QPCTL: variants seen among roughly 807,000 people sequenced by gnomAD.
The protein encoded by QPCTL is glutaminyl-peptide cyclotransferase like, also known as glutaminyl-peptide cyclotransferase-like protein.
Under a neutral mutation model 34.6 loss-of-function variants are expected in QPCTL, and 31 were observed. The observed-to-expected ratio is 0.90, with a 90% CI of 0.67 to 1.21. The LOEUF is 1.21. Among genes scored for constraint, QPCTL ranks in the 50% most tolerant of loss-of-function variants. QPCTL has a pLI of 0.00. For synonymous variants in QPCTL, 223 were observed against 226.9 expected (o/e 0.98, Z 0.15); for missense variants, 474 against 507.8 (o/e 0.93, Z 0.64).
Position 45,701,999 on chromosome 19 carries a change from G to A in QPCTL, c.1003+85G>A, listed in dbSNP as rs554145350. ...GCCAAGTCCCCTTCCCAGGGCTGGG[G>A]AATGGTGCTAAGTGGCCTTAACCTC... On this transcript the variant is annotated intron_variant, in intron 6 of 6. Transcript: ENST00000012049. 10 of 1,125,000 alleles carry A rather than the reference G, an allele frequency of 8.9e-6. No homozygotes were observed. In the South Asian group the frequency reaches 1.3e-4, roughly 15 times the overall value. The allele number at this position is 1,125,000 out of a possible 1,614,324, so 69.7% of individuals were successfully genotyped here.
intron 3 of QPCTL, among the ~76,000 whole-genome samples, chr19:45,697,014 G>A (rs1243064933): frequency 6.6e-6 from 1 of 152,040 alleles, no homozygotes; most frequent in Non-Finnish European, 1.5e-5. Context: ...CTACTACTTG[G>A]GAGGTTGAGA....
At position 45,702,935 on chromosome 19, in the gene QPCTL, C is replaced by T; in HGVS notation, c.1035C>T (p.Pro345=). Residue 345 remains proline (P), a synonymous_variant, in exon 7 of 7, where the codon CCC becomes CCT. Transcript: ENST00000012049. Reference sequence around the variant, plus strand: ...CCGTGCTCCATCTCATCTCCACGCCCTTCCCTGCTGTCTGGCACACCCCTG... The same window carrying T: ...CCGTGCTCCATCTCATCTCCACGCCTTTCCCTGCTGTCTGGCACACCCCTG... The part of the protein sequence containing the change: ...GVPVLHLIST[P]FPAVWHTPAD... 1.9e-6 allele frequency: 3 copies of T among 1,614,106 alleles called. No homozygotes were observed. The highest frequency in any genetic ancestry group is 2.5e-6 in the Non-Finnish European group (3 of 1,180,016).
intron 5 of QPCTL, among the ~76,000 whole-genome samples, chr19:45,699,881 G>A (rs1019543931): frequency 8.3e-5 from 12 of 144,264 alleles, no homozygotes; most frequent in East Asian, 4.2e-4. Context: ...GCAGTGAGCC[G>A]AGATCACGCC....
chr19:45,693,368 G>C, intron 1 of QPCTL, 45 bp from the exon 2 acceptor site: 1 of 1,571,874 alleles, frequency 6.4e-7, no homozygotes, highest in Non-Finnish European at 8.6e-7. Context: ...TGAAATGGGG[G>C]GGTTGCTCTC....
chr19:45,698,595 C>A lies in QPCTL; in HGVS notation c.682C>A (p.Leu228Met), dbSNP rs542234819. 30 of 1,614,178 alleles carry A rather than the reference C, an allele frequency of 1.9e-5. No homozygotes were observed. In the Admixed American group the frequency reaches 4.2e-4, roughly 22 times the overall value. The part of the protein sequence containing the change: ...QLLFLDGEEA[L>M]KEWGPKDSLY... ...GCTCTTCTTGGATGGTGAAGAGGCG[C>A]TGAAGGAGTGGGGACCCAAGGACTC... is the stretch of plus-strand genomic sequence containing the variant. Residue 228 changes from leucine to methionine, a missense_variant, in exon 4 of 7, where the codon CTG (leucine) becomes ATG (methionine). Transcript: ENST00000012049.
At chr19:45,702,763 C>CA (rs375783981) in intron 6 of QPCTL, 141 bp from the exon 7 acceptor site, 159,267 of 799,606 alleles carry the variant, frequency 0.2, no homozygotes, top group East Asian at 0.22. Context: ...GACTCTGTCT[C>CA]AAAAAAAAAA....
Position 45,698,891 on chromosome 19 carries a change from AG to A in QPCTL, c.879del (p.Ser294AlafsTer9), listed in dbSNP as rs770613069. On this transcript the variant is annotated frameshift_variant, in exon 5 of 7. Transcript: ENST00000012049. LOFTEE classifies it high-confidence loss of function. ...PRTVRWFHRL[R>X]SIEKRLHRLN... ...CACGGTCCGCTGGTTCCATCGGCTG[AG>A]GAGCATTGGTAAGGGTGAATGCGGA... The A allele has an allele frequency of 3.1e-6, 5 of 1,613,666 alleles. No individual in the cohort carries two copies. Among genetic ancestry groups the A allele is most frequent in the Non-Finnish European group, 4.2e-6 (5 of 1,179,716 alleles).
chr19:45,693,875 G>A (rs1004894654), intron 2 of QPCTL, among the ~76,000 whole-genome samples: 1 of 152,182 alleles, frequency 6.6e-6, no homozygotes, highest in Non-Finnish European at 1.5e-5. Flanking sequence ...CAGATAATAA[G>A]TAGTAGACCT....
chr19:45,701,741 T>TG, intron 5 of QPCTL, 57 bp from the exon 6 acceptor site: 3 of 1,348,192 alleles, frequency 2.2e-6, no homozygotes, highest in Non-Finnish European at 3.1e-6. Flanking sequence ...ATTTGTGGAC[T>TG]GGGGACCTTC....
chr19:45,702,067 C>T lies in QPCTL; in HGVS notation c.1003+153C>T, dbSNP rs375758424. ...TCATCTGTAAAATGGGGATAATACTCCCTATCTTAGAGTATTGTTGAGGGG... is the reference window on the plus strand; with the variant it reads ...TCATCTGTAAAATGGGGATAATACTTCCTATCTTAGAGTATTGTTGAGGGG... On this transcript the variant is annotated intron_variant, in intron 6 of 6. Coordinates refer to ENST00000012049, the MANE Select transcript of QPCTL (RefSeq NM_017659.4). 2.6e-5 allele frequency among the ~76,000 whole-genome samples: 4 copies of T among 152,240 alleles called. No homozygotes were observed. In the East Asian group the frequency reaches 7.7e-4, roughly 29 times the overall value.
intron 5 of QPCTL, 102 bp from the exon 6 acceptor site, chr19:45,701,696 C>G: frequency 2.4e-6 from 2 of 849,402 alleles, no homozygotes; most frequent in Non-Finnish European, 3.8e-6. Context: ...TTGGGCTGAC[C>G]AGGGCTTTGT....
At chr19:45,700,896 T>G (rs375288006) in intron 5 of QPCTL, among the ~76,000 whole-genome samples, 98 of 147,792 alleles carry the variant, frequency 6.6e-4, no homozygotes, top group African/African-American at 2.4e-3. Context: ...GAGGCGGAGG[T>G]TGCAGTGAGC....
intron 3 of QPCTL, among the ~76,000 whole-genome samples, chr19:45,697,707 C>T (rs1967727501): frequency 6.6e-6 from 1 of 152,106 alleles, no homozygotes; most frequent in Admixed American, 6.6e-5. Context: ...CATCCCTTCC[C>T]AAAAGACCCA....
intron 2 of QPCTL, 130 bp downstream of exon 2, chr19:45,693,686 A>G: frequency 7.7e-7 from 1 of 1,295,746 alleles, no homozygotes; most frequent in Non-Finnish European, 1.0e-6. Context: ...CGGACTCTAG[A>G]CTCCATGCTG....
chr19:45,702,519 G>T (rs10410910), intron 6 of QPCTL, among the ~76,000 whole-genome samples: 107,361 of 151,400 alleles, frequency 0.71, 39,228 homozygotes, highest in African/African-American at 0.9. Flanking sequence ...ATCCTAGCAC[G>T]TTGGGAGCCT....
intron 5 of QPCTL, among the ~76,000 whole-genome samples, 165 bp from the exon 6 acceptor site, chr19:45,701,633 G>A (rs968749135): frequency 2.6e-5 from 4 of 152,172 alleles, no homozygotes; most frequent in Admixed American, 6.5e-5. Context: ...GGGATTGAAT[G>A]AGACCAGGAA....
intron 2 of QPCTL, among the ~76,000 whole-genome samples, chr19:45,694,749 G>A (rs908904193): frequency 9.9e-5 from 15 of 152,008 alleles, no homozygotes; most frequent in Admixed American, 2.0e-4. Context: ...GATTACAGGC[G>A]TGAGCCACCG....
chr19:45,695,777 C>T (rs1368302100), intron 3 of QPCTL, 59 bp downstream of exon 3: 5 of 1,488,474 alleles, frequency 3.4e-6, no homozygotes, highest in East Asian at 2.5e-5. Context: ...CAAGCCCCCA[C>T]CCTCCCTTGC....
chr19:45,692,713 G>GGGGGCCGCGGGC lies in QPCTL; in HGVS notation c.12_23dup (p.Gly5_Arg8dup). 6.5e-7 allele frequency: 1 copy of GGGGGCCGCGGGC among 1,544,280 alleles called. No individual in the cohort carries two copies. Among genetic ancestry groups the GGGGGCCGCGGGC allele is most frequent in the Non-Finnish European group, 8.7e-7 (1 of 1,143,872 alleles). On this transcript the variant is annotated inframe_insertion, in exon 1 of 7. Coordinates refer to ENST00000012049, the MANE Select transcript of QPCTL (RefSeq NM_017659.4). ...TCAGGGCAAAGCGGCCATGCGTTCC[G>GGGGGCCGCGGGC]GGGGCCGCGGGCGACCCCGCCTGCG...
Sources: allele counts gnomAD v4.1 joint callset (sites outside exome capture counted in the v4.1 genomes callset), GRCh38; gene constraint gnomAD v4.1.1; transcripts MANE v1.5; gene names NCBI Gene and HGNC (gene_info 2026-07-23, HGNC 2026-07-21).